Variants in GRM5 observed in about 807,000 individuals in gnomAD.
The protein encoded by GRM5 is metabotropic glutamate receptor 5.
In GRM5, 19 loss-of-function variants were observed where a neutral mutation model predicts 83.1. The ratio of observed to expected loss-of-function variants is 0.23; its 90% confidence interval spans 0.16 to 0.34. The LOEUF (loss-of-function observed/expected upper bound fraction) is 0.34. Among genes scored for constraint, GRM5 ranks in the 10% least tolerant of loss-of-function variants. The pLI, the probability that GRM5 is intolerant of heterozygous loss-of-function variation, is 1.00. For missense variants in GRM5, 1,160 were observed against 1,588.3 expected (o/e 0.73, Z 4.58); for synonymous variants, 675 against 633.6 (o/e 1.07, Z -0.98).
intron 3 of GRM5, among the ~76,000 whole-genome samples, chr11:88,843,302 G>A (rs945798222): frequency 4.6e-5 from 7 of 151,984 alleles, no homozygotes; most frequent in Admixed American, 6.5e-5. Context: ...CATGATAATT[G>A]TACACATTTA....
intron 2 of GRM5, among the ~76,000 whole-genome samples, chr11:88,869,890 C>T (rs1944734083): frequency 6.6e-6 from 1 of 151,266 alleles, no homozygotes; most frequent in Admixed American, 6.6e-5. Context: ...TTTTTAGTGG[C>T]CCCTACTATA....
intron 2 of GRM5, among the ~76,000 whole-genome samples, chr11:88,988,231 G>A (rs181113524): frequency 1.1e-4 from 16 of 152,230 alleles, no homozygotes; most frequent in African/African-American, 3.1e-4. Flanking sequence ...CTCAGTAGCC[G>A]ATGCAATCAA....
At chr11:89,011,745 CCAGA>C (rs1187575271) in intron 2 of GRM5, among the ~76,000 whole-genome samples, 18 of 152,212 alleles carry the variant, frequency 1.2e-4, no homozygotes, top group East Asian at 3.9e-4. Flanking sequence ...TTATTAGGGG[CCAGA>C]CAGTCTGCTA....
In GRM5 at chr11:88,721,031, C is replaced by A. The variant is rs111372499; in HGVS notation, c.912-67628G>T. Among the ~76,000 whole-genome samples the A allele has an allele frequency of 9.1e-4, 138 of 152,154 alleles. 1 individual carries two copies. The highest frequency in any genetic ancestry group is 2.5e-3 in the African/African-American group (102 of 41,534). ...TTCAAATCCTGGCTCTACCACTTTACCACTTGTGTGATTTTAAGTACATTC... is the reference window on the plus strand; with the variant it reads ...TTCAAATCCTGGCTCTACCACTTTAACACTTGTGTGATTTTAAGTACATTC... On this transcript the variant is annotated intron_variant, in intron 3 of 9. Coordinates refer to ENST00000305447, the MANE Select transcript of GRM5 (RefSeq NM_001143831.3).
intron 3 of GRM5, among the ~76,000 whole-genome samples, chr11:88,840,180 T>C (rs552631702): frequency 2.0e-5 from 3 of 152,308 alleles, no homozygotes; most frequent in African/African-American, 7.2e-5. Flanking sequence ...AAAATGTTTC[T>C]ATACAGTACC....
chr11:88,751,682 C>T (rs1942277269), intron 3 of GRM5, among the ~76,000 whole-genome samples: 1 of 152,172 alleles, frequency 6.6e-6, no homozygotes, highest in Admixed American at 6.5e-5. Context: ...CCTTGTTGAA[C>T]ATGAATGCAA....
intron 5 of GRM5, among the ~76,000 whole-genome samples, chr11:88,599,019 G>A (rs914630656): frequency 3.3e-5 from 5 of 152,154 alleles, no homozygotes; most frequent in African/African-American, 1.2e-4. Flanking sequence ...TTTCAAGTCT[G>A]CAGTTCCTTC....
chr11:88,829,670 T>C (rs1943952532), intron 3 of GRM5, among the ~76,000 whole-genome samples: 1 of 151,716 alleles, frequency 6.6e-6, no homozygotes, highest in Non-Finnish European at 1.5e-5. Flanking sequence ...GCACATCTGA[T>C]CATCTATCTC....
At chr11:88,550,159 T>A (rs1021315476) in intron 8 of GRM5, among the ~76,000 whole-genome samples, 3 of 152,176 alleles carry the variant, frequency 2.0e-5, no homozygotes, top group African/African-American at 4.8e-5. Context: ...GGAGAAGTGA[T>A]GATAAAATCA....
chr11:88,603,864 T>C (rs761582739), intron 5 of GRM5, among the ~76,000 whole-genome samples: 21 of 152,128 alleles, frequency 1.4e-4, no homozygotes, highest in Non-Finnish European at 2.6e-4. Flanking sequence ...ACAGAGTGTA[T>C]AGACAGTTTT....
At chr11:88,570,787 G>A (rs177824) in intron 7 of GRM5, among the ~76,000 whole-genome samples, 4 of 150,668 alleles carry the variant, frequency 2.7e-5, no homozygotes, top group African/African-American at 7.3e-5. Context: ...CAGGCTGGTC[G>A]AACTCCTTGC....
At chr11:88,814,792 C>A (rs1227774854) in intron 3 of GRM5, among the ~76,000 whole-genome samples, 1 of 151,414 alleles carries the variant, frequency 6.6e-6, no homozygotes, top group Non-Finnish European at 1.5e-5. Flanking sequence ...AAAAAACAAC[C>A]AATAATGAAA....
At chr11:88,805,435 C>A (rs770580729) in intron 3 of GRM5, among the ~76,000 whole-genome samples, 2 of 152,140 alleles carry the variant, frequency 1.3e-5, no homozygotes, top group Non-Finnish European at 2.9e-5. Context: ...TGTGATCCAC[C>A]CGCCTTGGCC....
At chr11:88,878,161 T>G (rs1215736457) in intron 2 of GRM5, among the ~76,000 whole-genome samples, 1 of 152,146 alleles carries the variant, frequency 6.6e-6, no homozygotes, top group African/African-American at 2.4e-5. Context: ...TTGCCAAATT[T>G]GGAAAAAGCA....
chr11:88,718,935 C>A (rs1015092774), intron 3 of GRM5, among the ~76,000 whole-genome samples: 1 of 151,870 alleles, frequency 6.6e-6, no homozygotes, highest in South Asian at 2.1e-4. Context: ...TTTGTCTTCT[C>A]CTTGTTATTC....
At position 88,694,715 on chromosome 11, in the gene GRM5, T is replaced by C. The variant is rs1196172364; in HGVS notation, c.912-41312A>G. Among the ~76,000 whole-genome samples, 3 of 152,192 alleles carry C rather than the reference T, an allele frequency of 2.0e-5. No individual in the cohort carries two copies. In the East Asian group the frequency reaches 5.8e-4, roughly 29 times the overall value. On this transcript the variant is annotated intron_variant, in intron 3 of 9. Transcript: ENST00000305447. Reference sequence around the variant, plus strand: ...TATAACTGAAGATGATTTAAGAATGTACTTTCTTGGTTATTTAGAGAGCAA... The same window carrying C: ...TATAACTGAAGATGATTTAAGAATGCACTTTCTTGGTTATTTAGAGAGCAA...
At chr11:88,637,462 AAAAC>A (rs1565165148) in intron 4 of GRM5, among the ~76,000 whole-genome samples, 1 of 152,172 alleles carries the variant, frequency 6.6e-6, no homozygotes, top group Non-Finnish European at 1.5e-5. Context: ...TTACAAGGAA[AAAAC>A]AAACAACCCC....
intron 4 of GRM5, among the ~76,000 whole-genome samples, chr11:88,647,156 C>A (rs967432258): frequency 6.6e-6 from 1 of 152,044 alleles, no homozygotes; most frequent in Non-Finnish European, 1.5e-5. Context: ...CTCTTCCCCT[C>A]TTTTTATAAA....
chr11:88,774,725 T>C (rs1942812368), intron 3 of GRM5, among the ~76,000 whole-genome samples: 1 of 152,232 alleles, frequency 6.6e-6, no homozygotes, highest in South Asian at 2.1e-4. Context: ...TTTTTGTCCT[T>C]GGTTCTGTTC....
Sources: allele counts gnomAD v4.1 joint callset (sites outside exome capture counted in the v4.1 genomes callset), GRCh38; gene constraint gnomAD v4.1.1; transcripts MANE v1.5; gene names NCBI Gene and HGNC (gene_info 2026-07-23, HGNC 2026-07-21).